The following UNC80 variants were observed in gnomAD, a reference collection of about 807,000 sequenced individuals.
UNC80 encodes unc-80 subunit of NALCN channel complex.
A neutral mutation model predicts 384.6 loss-of-function variants in UNC80; 164 were observed. That is an observed-to-expected ratio of 0.43 (90% confidence interval 0.38 to 0.49). The LOEUF is 0.49. Among genes scored for constraint, UNC80 ranks in the 20% least tolerant of loss-of-function variants. UNC80 has a pLI of 0.00. For missense variants in UNC80, 3,330 were observed against 4,143.0 expected (o/e 0.80, Z 5.39); for synonymous variants, 1,486 against 1,527.8 (o/e 0.97, Z 0.64).
intron 59 of UNC80, among the ~76,000 whole-genome samples, chr2:209,980,673 G>A (rs1469415868): frequency 6.6e-6 from 1 of 152,186 alleles, no homozygotes; most frequent in Non-Finnish European, 1.5e-5. Context: ...AAGGAAGAAG[G>A]AAGTATGAGA....
rs576622284 is a variant in UNC80 at position 209,957,102 on chromosome 2, C to T, written c.7458-542C>T. Reference sequence around the variant, plus strand: ...TGAGATGATTCAAATCTATTACTAACGATCTAAATTACTGACTTATAAGAT... The same window carrying T: ...TGAGATGATTCAAATCTATTACTAATGATCTAAATTACTGACTTATAAGAT... On this transcript the variant is annotated intron_variant, in intron 48 of 64. Transcript: ENST00000673920. 1.6e-4 allele frequency among the ~76,000 whole-genome samples: 24 copies of T among 152,270 alleles called. 1 individual carries two copies. Among genetic ancestry groups the T allele is most frequent in the African/African-American group, 4.3e-4 (18 of 41,550 alleles).
chr2:209,921,754 A>G (rs770003131), intron 34 of UNC80, 68 bp downstream of exon 34: 63 of 1,446,390 alleles, frequency 4.4e-5, no homozygotes, highest in Non-Finnish European at 5.5e-5. Flanking sequence ...TGAAATTAAC[A>G]TTGACAATTT....
At chr2:209,906,718 A>G (rs2088265235) in intron 29 of UNC80, among the ~76,000 whole-genome samples, 1 of 152,186 alleles carries the variant, frequency 6.6e-6, no homozygotes, top group African/African-American at 2.4e-5. Context: ...AAATAATGAC[A>G]TAAAAAGAAA....
intron 35 of UNC80, among the ~76,000 whole-genome samples, chr2:209,924,716 G>C (rs1288864622): frequency 6.6e-6 from 1 of 151,368 alleles, no homozygotes; most frequent in Non-Finnish European, 1.5e-5. Flanking sequence ...TCAGCCTCCA[G>C]CTTCTCCCAA....
chr2:209,850,179 C>T (rs191055752), intron 22 of UNC80, among the ~76,000 whole-genome samples: 5 of 152,052 alleles, frequency 3.3e-5, no homozygotes, highest in Admixed American at 2.0e-4. Context: ...CTATTATACA[C>T]GTGTAAAGGA....
At chr2:209,845,155 G>A (rs901920354) in intron 21 of UNC80, 30 of 151,668 alleles carry the variant, frequency 2.0e-4, no homozygotes, top group African/African-American at 7.0e-4. Context: ...AGCCACATGA[G>A]GACATAACCA....
chr2:209,882,772 T>A (rs918908199), intron 25 of UNC80, among the ~76,000 whole-genome samples: 13 of 152,226 alleles, frequency 8.5e-5, no homozygotes, highest in Admixed American at 8.5e-4. Context: ...AGATTGTTAT[T>A]GGTCACCATT....
At chr2:209,950,259 A>G (rs1424281542) in intron 47 of UNC80, among the ~76,000 whole-genome samples, 1 of 152,026 alleles carries the variant, frequency 6.6e-6, no homozygotes, top group African/African-American at 2.4e-5. Flanking sequence ...GGTAAGTCAC[A>G]TTTTTCTAGG....
chr2:209,812,141 C>A (rs368301592), intron 7 of UNC80, among the ~76,000 whole-genome samples: 1 of 152,108 alleles, frequency 6.6e-6, no homozygotes, highest in African/African-American at 2.4e-5. Flanking sequence ...GCTCCGCCTC[C>A]CGGGTTCACG....
intron 33 of UNC80, among the ~76,000 whole-genome samples, chr2:209,920,415 T>G (rs1160062174): frequency 6.6e-6 from 1 of 152,224 alleles, no homozygotes; most frequent in Non-Finnish European, 1.5e-5. Context: ...ACTTCCCTGC[T>G]CAGAGGCCAC....
intron 41 of UNC80, 76 bp downstream of exon 41, chr2:209,937,009 C>A: frequency 3.0e-6 from 3 of 1,006,854 alleles, no homozygotes; most frequent in South Asian, 2.8e-5. Context: ...GGCTCACAGT[C>A]AGGGAGGCAT....
chr2:209,817,746 C>A lies in UNC80; in HGVS notation c.1553-66C>A, dbSNP rs565440159. On this transcript the variant is annotated intron_variant, in intron 10 of 64. Coordinates refer to ENST00000673920, the MANE Select transcript of UNC80 (RefSeq NM_001371986.1). ...CTCTCCCTGCTGTCCTTGGGAAAGACAATATCTTGGCAGAATAACTTTCAG... is the reference window on the plus strand; with the variant it reads ...CTCTCCCTGCTGTCCTTGGGAAAGAAAATATCTTGGCAGAATAACTTTCAG... 3.9e-6 allele frequency: 6 copies of A among 1,534,860 alleles called. No homozygotes were observed. The East Asian group carries it at 1.2e-4, about 31-fold the overall frequency.
chr2:209,995,420 C>G lies in UNC80; in HGVS notation c.9800C>G (p.Ser3267Cys). ...CACAGTCCACTCTCTGCCCAACTCTCTGACCCTGATGACTTCACAGGCCTC... is the reference window on the plus strand; with the variant it reads ...CACAGTCCACTCTCTGCCCAACTCTGTGACCCTGATGACTTCACAGGCCTC... ...TAHSPLSAQL[S>C]DPDDFTGLET... Residue 3267 changes from serine (S) to cysteine (C), a missense_variant, in exon 65 of 65, where the codon TCT (serine) becomes TGT (cysteine). This residue lies in a region of UNC80 where 236 missense variants were observed against 254.9 expected (regional missense o/e 0.93). Coordinates refer to ENST00000673920, the MANE Select transcript of UNC80 (RefSeq NM_001371986.1). 1 of 1,551,988 alleles carries G rather than the reference C, an allele frequency of 6.4e-7. No homozygotes were observed. The highest frequency in any genetic ancestry group is 8.7e-7 in the Non-Finnish European group (1 of 1,147,056).
At position 209,941,447 on chromosome 2, in the gene UNC80, C is replaced by T. The variant is rs1189718845; in HGVS notation, c.6873C>T (p.Phe2291=). The T allele has an allele frequency of 3.9e-6, 6 of 1,544,756 alleles. No homozygotes were observed. The highest frequency in any genetic ancestry group is 5.3e-6 in the Non-Finnish European group (6 of 1,141,186). The change falls in exon 44 of 65, where the codon TTC becomes TTT. Residue 2291 remains phenylalanine (F), a synonymous_variant. Transcript: ENST00000673920. ...CCGCGGTGCACTTCAACCACCTCTT[C>T]TCTCTCAGCGGCTACCAGTGGATTC... ...INTAVHFNHL[F]SLSGYQWILP...
intron 37 of UNC80, among the ~76,000 whole-genome samples, chr2:209,930,523 CTCTCTTTT>C (rs2090772733): frequency 6.6e-6 from 1 of 152,112 alleles, no homozygotes; most frequent in South Asian, 2.1e-4. Flanking sequence ...CTCTTGTAAC[CTCTCTTTT>C]TCTCTTTGAC....
intron 61 of UNC80, 31 bp downstream of exon 61, chr2:209,984,943 G>A: frequency 6.5e-7 from 1 of 1,537,752 alleles, no homozygotes; most frequent in East Asian, 2.5e-5. Flanking sequence ...GTCTATTGGT[G>A]TCTGTGCTGG....
At chr2:209,850,476 CCAGTGGTCACT>C (rs1353134521) in intron 22 of UNC80, among the ~76,000 whole-genome samples, 1 of 152,042 alleles carries the variant, frequency 6.6e-6, no homozygotes, top group African/African-American at 2.4e-5. Context: ...GAATAAGTGA[CCAGTGGTCACT>C]CATATTTTAC....
At chr2:209,784,266 C>G (rs531198733) in intron 4 of UNC80, among the ~76,000 whole-genome samples, 1 of 152,272 alleles carries the variant, frequency 6.6e-6, no homozygotes, top group African/African-American at 2.4e-5. Flanking sequence ...TATTCTTTCA[C>G]TGTTGCCCTT....
intron 54 of UNC80, 75 bp downstream of exon 54, chr2:209,971,032 T>C: frequency 6.7e-7 from 1 of 1,488,906 alleles, no homozygotes; most frequent in Non-Finnish European, 8.9e-7. Flanking sequence ...TTCTCGTTTT[T>C]TTCTGCAAAG....
Sources: gnomAD v4.1 joint callset for allele counts (sites outside exome capture counted in the v4.1 genomes callset) on GRCh38, gnomAD v4.1.1 for gene constraint, gnomAD v4.1.1 regional missense constraint, MANE v1.5 for transcripts, NCBI Gene and HGNC (gene_info 2026-07-23, HGNC 2026-07-21) for gene names.